Variants in GRM5 observed in about 807,000 individuals in gnomAD.
The protein encoded by GRM5 is metabotropic glutamate receptor 5.
A neutral mutation model predicts 83.1 loss-of-function variants in GRM5; 19 were observed. The observed-to-expected ratio is 0.23, with a 90% CI of 0.16 to 0.34. GRM5 has a LOEUF of 0.34. Among genes scored for constraint, GRM5 ranks in the 10% least tolerant of loss-of-function variants. The probability of loss-of-function intolerance (pLI) is 1.00; values close to 1 mark genes in which losing one functional copy is unlikely to be tolerated. For synonymous variants in GRM5, 675 were observed against 633.6 expected (o/e 1.07, Z -0.98); for missense variants, 1,160 against 1,588.3 (o/e 0.73, Z 4.58).
chr11:88,602,999 G>C (rs1047111687), intron 5 of GRM5, among the ~76,000 whole-genome samples: 2 of 152,118 alleles, frequency 1.3e-5, no homozygotes, highest in African/African-American at 4.8e-5. Context: ...TTATTCATGG[G>C]TTAATGTTAT....
intron 3 of GRM5, among the ~76,000 whole-genome samples, chr11:88,816,382 T>C (rs1354943448): frequency 6.8e-6 from 1 of 147,264 alleles, no homozygotes; most frequent in African/African-American, 2.5e-5. Context: ...CTACTAAAAA[T>C]ACAAAAATTA....
chr11:88,572,987 C>T (rs1202921409), intron 7 of GRM5, among the ~76,000 whole-genome samples: 1 of 152,012 alleles, frequency 6.6e-6, no homozygotes, highest in Admixed American at 6.6e-5. Flanking sequence ...TCAGAAAATG[C>T]ACAGTATTAT....
rs530283904 is a variant in GRM5 at position 88,637,688 on chromosome 11, C to T, written c.1147+15480G>A. On this transcript the variant is annotated intron_variant, in intron 4 of 9. Coordinates refer to ENST00000305447, the MANE Select transcript of GRM5 (RefSeq NM_001143831.3). ...TGGAGAGGATGTGGAGAAACAGGAACACTTTTACACTGTTGGTGGGAGTGT... is the reference window on the plus strand; with the variant it reads ...TGGAGAGGATGTGGAGAAACAGGAATACTTTTACACTGTTGGTGGGAGTGT... 6.1e-4 allele frequency among the ~76,000 whole-genome samples: 90 copies of T among 146,918 alleles called. 1 individual carries two copies. Among genetic ancestry groups the T allele is most frequent in the African/African-American group, 2.1e-3 (86 of 40,906 alleles).
At chr11:88,700,362 G>T (rs968287417) in intron 3 of GRM5, among the ~76,000 whole-genome samples, 2 of 152,056 alleles carry the variant, frequency 1.3e-5, no homozygotes, top group African/African-American at 4.8e-5. Flanking sequence ...GAAGAGAGTA[G>T]CTATGGGTGA....
At chr11:89,035,403 T>A (rs1398921960) in intron 2 of GRM5, among the ~76,000 whole-genome samples, 1 of 151,938 alleles carries the variant, frequency 6.6e-6, no homozygotes, top group Non-Finnish European at 1.5e-5. Context: ...GCACTCTAAC[T>A]TTATTAGGGA....
intron 3 of GRM5, among the ~76,000 whole-genome samples, chr11:88,762,882 G>A (rs1942554875): frequency 1.3e-5 from 2 of 151,822 alleles, no homozygotes; most frequent in Admixed American, 1.3e-4. Context: ...AACATGTAAT[G>A]GACTGGAGGT....
At chr11:88,867,495 T>C (rs1215620678) in intron 2 of GRM5, among the ~76,000 whole-genome samples, 1 of 151,780 alleles carries the variant, frequency 6.6e-6, no homozygotes, top group African/African-American at 2.4e-5. Context: ...ATTAACTTCT[T>C]AGTGTCATGT....
intron 3 of GRM5, among the ~76,000 whole-genome samples, chr11:88,751,090 A>AAAAAAAAAAAAAAAAAAAT (rs1942264086): frequency 9.3e-5 from 13 of 140,448 alleles, no homozygotes; most frequent in Non-Finnish European, 1.6e-4. Flanking sequence ...AAAAAAAAAA[A>AAAAAAAAAAAAAAAAAAAT]AAAAACAAAG....
intron 2 of GRM5, among the ~76,000 whole-genome samples, chr11:89,040,199 T>C (rs956370417): frequency 2.2e-4 from 33 of 152,132 alleles, no homozygotes; most frequent in African/African-American, 8.0e-4. Flanking sequence ...GTAAAATCCT[T>C]AGTTCTCATG....
chr11:89,009,678 C>A (rs1240195373), intron 2 of GRM5, among the ~76,000 whole-genome samples: 1 of 151,524 alleles, frequency 6.6e-6, no homozygotes, highest in Non-Finnish European at 1.5e-5. Context: ...GGGCGGATCA[C>A]GAGGTCAGGA....
chr11:88,807,036 G>A (rs1025012516), intron 3 of GRM5, among the ~76,000 whole-genome samples: 5 of 152,128 alleles, frequency 3.3e-5, no homozygotes, highest in Non-Finnish European at 5.9e-5. Flanking sequence ...TCCCTAGGCT[G>A]TATTTGCATT....
rs200281615 is a variant in GRM5 at position 88,756,650 on chromosome 11, GTATAAAC to G, written c.911+93249_911+93255del. ...ATAAATTATAAACTATAACTTTGTT[GTATAAAC>G]TATAAACTATAAATTATACATTGTA... is the stretch of plus-strand genomic sequence containing the variant. On this transcript the variant is annotated intron_variant, in intron 3 of 9. Transcript: ENST00000305447. Among the ~76,000 whole-genome samples, 1,519 of 151,988 alleles carry G rather than the reference GTATAAAC, an allele frequency of 1.0e-2. 28 individuals carry two copies. Among genetic ancestry groups the G allele is most frequent in the African/African-American group, 0.035 (1,446 of 41,470 alleles).
chr11:88,597,229 G>C lies in GRM5; in HGVS notation c.1518C>G (p.Ile506Met), dbSNP rs989881369. 1.9e-6 allele frequency: 3 copies of C among 1,610,024 alleles called. No homozygotes were observed. In the Admixed American group the frequency reaches 5.0e-5, roughly 27 times the overall value. The change falls in exon 6 of 10, where the codon ATC (isoleucine) becomes ATG (methionine). Residue 506 changes from isoleucine to methionine, a missense_variant. Physicochemically the swap from Ile to Met is conservative, Grantham distance 10. Around this residue, in one of 9 missense-constraint regions of GRM5, gnomAD observed 30 missense variants for 19.7 expected, o/e 1.52. Transcript: ENST00000305447. ...ATGGTTCACTGCACACAGATCTGAT[G>C]ATGTTGCTTTTCTTGGACCATACTT... is the stretch of plus-strand genomic sequence containing the variant. ...DDEVWSKKSNIIRSVCSEPCE... is the reference protein window; with the variant it reads ...DDEVWSKKSNMIRSVCSEPCE...
Position 88,508,028 on chromosome 11 carries a change from G to T in GRM5, c.*564C>A, listed in dbSNP as rs3824927. 61,203 of 152,724 alleles carry T rather than the reference G, an allele frequency of 0.4. 13,401 individuals carry two copies. The highest frequency in any genetic ancestry group is 0.48 in the Non-Finnish European group (33,036 of 68,336). The allele number at this position is 152,724 out of a possible 1,614,324, so 9.5% of individuals were successfully genotyped here. ...GTTATGCATGGGACACATTCACAAC[G>T]CCTCCGTAAATACTGGACCCAAGTT... is the stretch of plus-strand genomic sequence containing the variant. On this transcript the variant is annotated 3_prime_UTR_variant, in exon 10 of 10. Transcript: ENST00000305447. The surrounding 1 kb of genome is among the most constrained non-coding windows in gnomAD (Gnocchi z 4.2).
At chr11:88,710,952 T>A (rs894506265) in intron 3 of GRM5, among the ~76,000 whole-genome samples, 3 of 152,080 alleles carry the variant, frequency 2.0e-5, no homozygotes, top group Non-Finnish European at 4.4e-5. Context: ...AAAACTGGTA[T>A]TTATCTCATT....
chr11:88,633,928 T>C (rs1475199541), intron 4 of GRM5, among the ~76,000 whole-genome samples: 2 of 152,204 alleles, frequency 1.3e-5, no homozygotes, highest in African/African-American at 2.4e-5. Context: ...TTGAACATCT[T>C]AGAGGGTGGT....
At chr11:88,988,691 G>A (rs1169765796) in intron 2 of GRM5, among the ~76,000 whole-genome samples, 2 of 151,638 alleles carry the variant, frequency 1.3e-5, no homozygotes, top group Non-Finnish European at 2.9e-5. Flanking sequence ...CCAGAAGAGA[G>A]TGGAGGCCAA....
At chr11:88,521,385 C>T (rs1941684818) in intron 9 of GRM5, among the ~76,000 whole-genome samples, 1 of 152,132 alleles carries the variant, frequency 6.6e-6, no homozygotes, top group Admixed American at 6.5e-5. Flanking sequence ...CCATTGCACT[C>T]CAGCCTGGGT....
intron 2 of GRM5, among the ~76,000 whole-genome samples, chr11:88,927,913 T>A (rs1383970229): frequency 6.6e-6 from 1 of 152,082 alleles, no homozygotes; most frequent in African/African-American, 2.4e-5. Flanking sequence ...AAGGGAAAGG[T>A]ACACTTTAAA....
Sources: allele counts gnomAD v4.1 joint callset (sites outside exome capture counted in the v4.1 genomes callset), GRCh38; gene constraint gnomAD v4.1.1; regional missense constraint gnomAD v4.1.1; non-coding constraint Gnocchi (gnomAD v3.1); transcripts MANE v1.5; gene names NCBI Gene and HGNC (gene_info 2026-07-23, HGNC 2026-07-21).